SEMA5A: variants seen among roughly 807,000 people sequenced by gnomAD.
The protein encoded by SEMA5A is semaphorin-5A.
In SEMA5A, 55 loss-of-function variants were observed where a neutral mutation model predicts 135.5. The observed-to-expected ratio is 0.41, with a 90% CI of 0.33 to 0.51. The LOEUF (loss-of-function observed/expected upper bound fraction) is 0.51. Among genes scored for constraint, SEMA5A ranks in the 20% least tolerant of loss-of-function variants. The probability of loss-of-function intolerance (pLI) is 0.37; values close to 1 mark genes in which losing one functional copy is unlikely to be tolerated. For synonymous variants in SEMA5A, 580 were observed against 546.5 expected, an observed-to-expected ratio of 1.06 and a Z score of -0.85; for missense variants, 1,290 against 1,419.9, an observed-to-expected ratio of 0.91 and a Z score of 1.47.
At chr5:9,422,029 A>G (rs1757488142) in intron 2 of SEMA5A, among the ~76,000 whole-genome samples, 1 of 152,234 alleles carries the variant, frequency 6.6e-6, no homozygotes, top group Admixed American at 6.5e-5. Context: ...CTATCCCTTA[A>G]GTTGCCAAAA....
chr5:9,102,030 T>C (rs977011608), intron 16 of SEMA5A, among the ~76,000 whole-genome samples: 1 of 152,174 alleles, frequency 6.6e-6, no homozygotes, highest in Non-Finnish European at 1.5e-5. Flanking sequence ...AAACTTTTCA[T>C]ATATCTCTTC....
chr5:9,221,121 T>TG (rs1746927107), intron 8 of SEMA5A, among the ~76,000 whole-genome samples: 1 of 152,142 alleles, frequency 6.6e-6, no homozygotes, highest in African/African-American at 2.4e-5. Flanking sequence ...AATTTTATTT[T>TG]GCTCACTTGG....
At chr5:9,171,813 T>A (rs543100127) in intron 11 of SEMA5A, among the ~76,000 whole-genome samples, 12 of 151,824 alleles carry the variant, frequency 7.9e-5, no homozygotes, top group African/African-American at 2.9e-4. Flanking sequence ...ACCTGGAGGA[T>A]GAGAGGTCAG....
At chr5:9,531,212 A>T (rs1472167956) in intron 1 of SEMA5A, among the ~76,000 whole-genome samples, 3 of 152,176 alleles carry the variant, frequency 2.0e-5, no homozygotes, top group African/African-American at 7.2e-5. Context: ...GGTCCTAGAG[A>T]GGTGACCAGC....
At chr5:9,099,341 T>G (rs1226962810) in intron 16 of SEMA5A, among the ~76,000 whole-genome samples, 2 of 152,188 alleles carry the variant, frequency 1.3e-5, no homozygotes, top group Non-Finnish European at 2.9e-5. Context: ...TCTTTCATAT[T>G]TGCAAGCTCT....
rs70943946 is a variant in SEMA5A at position 9,197,728 on chromosome 5, TTGTGTGTGTGTGTGTG to T, written c.933-441_933-426del. Among the ~76,000 whole-genome samples, 233 of 59,294 alleles carry T rather than the reference TTGTGTGTGTGTGTGTG, an allele frequency of 3.9e-3. 2 individuals carry two copies. The East Asian group carries it at 0.063, about 16-fold the overall frequency. 38.9% of individuals were successfully genotyped at this position (59,294 alleles called of 152,430 possible). A position where few individuals can be genotyped will look rare whatever the true frequency, so the allele number is the denominator to read the frequency against. Reference sequence around the variant, plus strand: ...TTTGCCCAGCAGCAGGGAAAGCTGTTTGTGTGTGTGTGTGTGTGTGTGTGTGTGTGTGTGTGTGTGT... The same window carrying T: ...TTTGCCCAGCAGCAGGGAAAGCTGTTTGTGTGTGTGTGTGTGTGTGTGTGT... On this transcript the variant is annotated intron_variant, in intron 9 of 22. Coordinates refer to ENST00000382496, the MANE Select transcript of SEMA5A (RefSeq NM_003966.3).
Position 9,400,728 on chromosome 5 carries a change from G to A in SEMA5A, c.-77-20705C>T, listed in dbSNP as rs575243130. Among the ~76,000 whole-genome samples, 34 of 54,258 alleles carry A rather than the reference G, an allele frequency of 6.3e-4. 8 individuals are homozygous for A. The highest frequency in any genetic ancestry group is 2.7e-3 in the African/African-American group (31 of 11,444). The allele number at this position is 54,258 out of a possible 152,430, so 35.6% of individuals were successfully genotyped here. A position where few individuals can be genotyped will look rare whatever the true frequency, so the allele number is the denominator to read the frequency against. ...TCACCATTTTAGCCGGGATGGTCTCGATCTCCTGACCTCGTGATCCGCCCG... is the reference window on the plus strand; with the variant it reads ...TCACCATTTTAGCCGGGATGGTCTCAATCTCCTGACCTCGTGATCCGCCCG... On this transcript the variant is annotated intron_variant, in intron 2 of 22. Coordinates refer to ENST00000382496, the MANE Select transcript of SEMA5A (RefSeq NM_003966.3).
intron 2 of SEMA5A, among the ~76,000 whole-genome samples, chr5:9,384,081 T>C (rs74933105): frequency 6.6e-6 from 1 of 152,196 alleles, no homozygotes; most frequent in Non-Finnish European, 1.5e-5. Context: ...GTACCTTTTT[T>C]CTTAAACTAA....
intron 16 of SEMA5A, among the ~76,000 whole-genome samples, chr5:9,069,085 T>C (rs1466952223): frequency 6.6e-6 from 1 of 152,210 alleles, no homozygotes; most frequent in African/African-American, 2.4e-5. Context: ...CGGGGTCTGG[T>C]TGCAGAAGCA....
chr5:9,074,389 A>G (rs1737933284), intron 16 of SEMA5A, among the ~76,000 whole-genome samples: 1 of 152,186 alleles, frequency 6.6e-6, no homozygotes, highest in Non-Finnish European at 1.5e-5. Flanking sequence ...AAGAACTCCT[A>G]GAAGCAAACA....
chr5:9,288,012 G>A (rs1040249832), intron 5 of SEMA5A, among the ~76,000 whole-genome samples: 1 of 151,366 alleles, frequency 6.6e-6, no homozygotes, highest in African/African-American at 2.4e-5. Context: ...AACACTTATG[G>A]ATTAAGAGGA....
At chr5:9,072,766 C>T (rs897471619) in intron 16 of SEMA5A, among the ~76,000 whole-genome samples, 1 of 152,104 alleles carries the variant, frequency 6.6e-6, no homozygotes, top group Non-Finnish European at 1.5e-5. Flanking sequence ...TCAAAGAGAA[C>T]CTTAGCATAT....
intron 1 of SEMA5A, among the ~76,000 whole-genome samples, chr5:9,522,118 C>G (rs1329137839): frequency 2.6e-5 from 4 of 152,170 alleles, no homozygotes; most frequent in Admixed American, 2.0e-4. Context: ...ACCTCCACAG[C>G]CTGACACCAT....
chr5:9,407,319 G>A (rs749795285), intron 2 of SEMA5A, among the ~76,000 whole-genome samples: 3 of 152,076 alleles, frequency 2.0e-5, no homozygotes, highest in Non-Finnish European at 4.4e-5. Flanking sequence ...GTGCTAATAC[G>A]ATCTTACAGA....
intron 3 of SEMA5A, among the ~76,000 whole-genome samples, chr5:9,348,491 C>A (rs1753974235): frequency 6.6e-6 from 1 of 152,122 alleles, no homozygotes; most frequent in Admixed American, 6.6e-5. Flanking sequence ...TTCAACTTTA[C>A]GTGGCTTCAA....
At position 9,042,966 on chromosome 5, in the gene SEMA5A, G is replaced by A; in HGVS notation, c.3156C>T (p.Asn1052=). Residue 1052 remains asparagine, a synonymous_variant, in exon 23 of 23, where the codon AAC becomes AAT. Coordinates refer to ENST00000382496, the MANE Select transcript of SEMA5A (RefSeq NM_003966.3). The stretch of plus-strand genomic sequence containing the variant: ...AATAGGTCTTCCCAGTGAGATGTGG[G>A]TTGAAGTATTTGTTTCTTTCCTCTA... ...LILEERNKYF[N]PHLTGKTYSN... 1 of 1,612,702 alleles carries A rather than the reference G, an allele frequency of 6.2e-7. No individual in the cohort carries two copies. Among genetic ancestry groups the A allele is most frequent in the Non-Finnish European group, 8.5e-7 (1 of 1,178,890 alleles).
rs558831503 is a variant in SEMA5A, at chr5:9,087,368, AAAAT to A, written c.2074-20726_2074-20723del. Among the ~76,000 whole-genome samples, 741 of 152,316 alleles carry A rather than the reference AAAAT, an allele frequency of 4.9e-3. 1 individual carries two copies. Among genetic ancestry groups the A allele is most frequent in the Non-Finnish European group, 8.5e-3 (576 of 68,026 alleles). On this transcript the variant is annotated intron_variant, in intron 16 of 22. Transcript: ENST00000382496. ...GTTCATTTATCTTGAAGTTTCCTATAAAATAAATAATTATCCAAATCAGTGTTTA... is the reference window on the plus strand; with the variant it reads ...GTTCATTTATCTTGAAGTTTCCTATAAAATAATTATCCAAATCAGTGTTTA...
At position 9,345,296 on chromosome 5, in the gene SEMA5A, C is replaced by T. The variant is rs547627271; in HGVS notation, c.125-7484G>A. ...TCTATATTATCCTTCAACAATCTAA[C>T]TTGGAGAAATGATGGGCCTGGAAAG... On this transcript the variant is annotated intron_variant, in intron 3 of 22. Coordinates refer to ENST00000382496, the MANE Select transcript of SEMA5A (RefSeq NM_003966.3). 5.9e-5 allele frequency among the ~76,000 whole-genome samples: 9 copies of T among 152,206 alleles called. No homozygotes were observed. The Middle Eastern group carries it at 0.014, about 230-fold the overall frequency.
intron 1 of SEMA5A, among the ~76,000 whole-genome samples, chr5:9,452,236 C>T (rs1239038498): frequency 6.6e-6 from 1 of 152,196 alleles, no homozygotes; most frequent in Non-Finnish European, 1.5e-5. Context: ...TGTCACTGCT[C>T]AAAAGACATC....
Sources: allele counts gnomAD v4.1 joint callset (sites outside exome capture counted in the v4.1 genomes callset), GRCh38; gene constraint gnomAD v4.1.1; transcripts MANE v1.5; gene names NCBI Gene and HGNC (gene_info 2026-07-23, HGNC 2026-07-21).